Variants in PIK3R5 observed in about 807,000 individuals in gnomAD.
The protein encoded by PIK3R5 is phosphoinositide 3-kinase regulatory subunit 5.
Under a neutral mutation model 94.9 loss-of-function variants are expected in PIK3R5, and 32 were observed. That is an observed-to-expected ratio of 0.34 (90% CI 0.25 to 0.45). The LOEUF (loss-of-function observed/expected upper bound fraction) is 0.45. PIK3R5 is among the 20% of genes least tolerant of loss of function. PIK3R5 has a pLI of 1.00. For synonymous variants in PIK3R5, 443 were observed against 479.4 expected (o/e 0.92, Z 0.99); for missense variants, 853 against 1,144.6 (o/e 0.75, Z 3.68).
rs532339995 is a variant in PIK3R5 at position 8,936,932 on chromosome 17, T to G, written c.-13-25425A>C. On this transcript the variant is annotated intron_variant, in intron 1 of 18. Transcript: ENST00000447110. ...TTTATTTAGATTTCTGTAGATTTTT[T>G]TATCCATTTTATTGTTTTCTCATAT... is the stretch of plus-strand genomic sequence containing the variant. Among the ~76,000 whole-genome samples, 8 of 152,344 alleles carry G rather than the reference T, an allele frequency of 5.3e-5. No homozygotes were observed. In the South Asian group the frequency reaches 1.4e-3, roughly 28 times the overall value.
intron 4 of PIK3R5, 108 bp downstream of exon 4, chr17:8,905,561 C>G: frequency 1.4e-6 from 1 of 717,076 alleles, no homozygotes. Context: ...CGCTGCTTGA[C>G]AGTTTCTCTC....
chr17:8,913,417 T>G (rs893866656), intron 1 of PIK3R5, among the ~76,000 whole-genome samples: 2 of 152,172 alleles, frequency 1.3e-5, no homozygotes, highest in African/African-American at 4.8e-5. Context: ...AGAAAACTTT[T>G]CACGGGTGGC....
rs201527678 is a variant in PIK3R5 at position 8,890,956 on chromosome 17, C to T, written c.483-44G>A. 10,256 of 1,584,338 alleles carry T rather than the reference C, an allele frequency of 6.5e-3. 44 individuals are homozygous for T. Among genetic ancestry groups the T allele is most frequent in the Non-Finnish European group, 8.2e-3 (9,517 of 1,164,210 alleles). ...GGCTATGGCACCCAGGGGTGCGCAG[C>T]ATGCCACAGTGCAGCCACCCCCCTC... On this transcript the variant is annotated intron_variant, in intron 6 of 18. Transcript: ENST00000447110. The surrounding 1 kb of genome is among the most constrained non-coding windows in gnomAD (Gnocchi z 6.1).
intron 1 of PIK3R5, among the ~76,000 whole-genome samples, chr17:8,942,687 GCTCCGC>G (rs1567667158): frequency 6.6e-6 from 1 of 151,292 alleles, no homozygotes; most frequent in African/African-American, 2.4e-5. Context: ...CTCACTGCAA[GCTCCGC>G]CTCCCGGGTT....
chr17:8,891,476 T>A (rs2090021513), intron 6 of PIK3R5, among the ~76,000 whole-genome samples: 1 of 152,174 alleles, frequency 6.6e-6, no homozygotes, highest in Non-Finnish European at 1.5e-5. Context: ...AAAGCCATGA[T>A]ACAGGCTTTC....
rs2089863490 is a variant in PIK3R5 at position 8,886,534 on chromosome 17, T to C, written c.1977A>G (p.Leu659=). Residue 659 remains leucine (L), a synonymous_variant, in exon 13 of 19, where the codon CTA becomes CTG. Transcript: ENST00000447110. ...TGGCGGCAAAGCGGCAGTAGTAGAG[T>C]AGCATGTCAGCCAGGATGGGCAGCT... The part of the protein sequence containing the change: ...PTQLPILADM[L]LYYCRFAARP... 3 of 1,612,196 alleles carry C rather than the reference T, an allele frequency of 1.9e-6. No individual in the cohort carries two copies. Among genetic ancestry groups the C allele is most frequent in the Non-Finnish European group, 2.5e-6 (3 of 1,179,158 alleles).
chr17:8,884,790 CA>C lies in PIK3R5; in HGVS notation c.2129-8del. 1 of 1,612,292 alleles carries C rather than the reference CA, an allele frequency of 6.2e-7. No homozygotes were observed. The highest frequency in any genetic ancestry group is 8.5e-7 in the Non-Finnish European group (1 of 1,179,316). ...AGCCGCTTGCTGCCAGGACCTGTGC[CA>C]CACACAGACAGACCCTTCACTACCC... On this transcript the variant is annotated splice_polypyrimidine_tract_variant and splice_region_variant and intron_variant, in intron 14 of 18. Transcript: ENST00000447110. The surrounding 1 kb of genome is among the most constrained non-coding windows in gnomAD (Gnocchi z 5.8).
chr17:8,886,002 C>T (rs1018227299), intron 14 of PIK3R5, among the ~76,000 whole-genome samples: 3 of 150,214 alleles, frequency 2.0e-5, no homozygotes, highest in South Asian at 4.2e-4. Context: ...CCTACCTTCC[C>T]GTGGCCCCAC....
chr17:8,899,564 C>T (rs889648585), intron 5 of PIK3R5, among the ~76,000 whole-genome samples: 1 of 152,166 alleles, frequency 6.6e-6, no homozygotes, highest in Non-Finnish European at 1.5e-5. Flanking sequence ...GCTGAAGGCC[C>T]ACAGTTAGTA....
rs1276620448 is a variant in PIK3R5 at position 8,894,939 on chromosome 17, T to TA, written c.413-1285dup. 2.2e-4 allele frequency among the ~76,000 whole-genome samples: 34 copies of TA among 152,172 alleles called. 1 individual carries two copies. Among genetic ancestry groups the TA allele is most frequent in the Admixed American group, 7.9e-4 (12 of 15,282 alleles). The stretch of plus-strand genomic sequence containing the variant: ...AAATAGAAAGGCTGTGAGGTTCCTT[T>TA]AGTAAAAGGCAGAAAATTACCACAT... On this transcript the variant is annotated intron_variant, in intron 5 of 18. Coordinates refer to ENST00000447110, the MANE Select transcript of PIK3R5 (RefSeq NM_001142633.3).
In PIK3R5 at chr17:8,888,827, A is replaced by G. The variant is rs762468618; in HGVS notation, c.960T>C (p.Asp320=). The G allele has an allele frequency of 1.2e-6, 2 of 1,609,372 alleles. No individual in the cohort carries two copies. Among genetic ancestry groups the G allele is most frequent in the African/African-American group, 2.7e-5 (2 of 75,042 alleles). The change falls in exon 10 of 19, where the codon GAT becomes GAC. Residue 320 remains aspartate (D), a synonymous_variant. Coordinates refer to ENST00000447110, the MANE Select transcript of PIK3R5 (RefSeq NM_001142633.3). The surrounding 1 kb of genome is among the most constrained non-coding windows in gnomAD (Gnocchi z 7.8). ...ELLQPGILGD[D]EEEEEEEEEV... ...CCTCCTCCTCCTCTTCCTCCTCTTC[A>G]TCATCTCCCAGGATCCCTGGCTGGA...
intron 3 of PIK3R5, among the ~76,000 whole-genome samples, chr17:8,908,058 A>G (rs566769073): frequency 3.6e-4 from 55 of 152,280 alleles, no homozygotes; most frequent in Non-Finnish European, 7.1e-4. Flanking sequence ...CCTTTTGTGA[A>G]CTGCCTCTCT....
rs1485920409 is a variant in PIK3R5 at position 8,890,160 on chromosome 17, G to T, written c.658-34C>A. On this transcript the variant is annotated intron_variant, in intron 7 of 18. Transcript: ENST00000447110. The surrounding 1 kb of genome is among the most constrained non-coding windows in gnomAD (Gnocchi z 6.1). ...CCAGGAGGAGATGGGCTTTGCTCCTGGACCGTGAGCTAGCTGTCCACCTGT... is the reference window on the plus strand; with the variant it reads ...CCAGGAGGAGATGGGCTTTGCTCCTTGACCGTGAGCTAGCTGTCCACCTGT... The T allele has an allele frequency of 6.2e-7, 1 of 1,609,134 alleles. No individual in the cohort carries two copies.
intron 1 of PIK3R5, among the ~76,000 whole-genome samples, chr17:8,929,468 A>G (rs910368743): frequency 2.2e-4 from 34 of 152,368 alleles, no homozygotes; most frequent in African/African-American, 8.2e-4. Flanking sequence ...AGAGAGGGAC[A>G]TTATATAATG....
chr17:8,931,670 A>G lies in PIK3R5; in HGVS notation c.-13-20163T>C, dbSNP rs142402075. 6.2e-4 allele frequency among the ~76,000 whole-genome samples: 95 copies of G among 152,324 alleles called. 1 individual carries two copies. The highest frequency in any genetic ancestry group is 2.1e-3 in the African/African-American group (86 of 41,580). On this transcript the variant is annotated intron_variant, in intron 1 of 18. Coordinates refer to ENST00000447110, the MANE Select transcript of PIK3R5 (RefSeq NM_001142633.3). ...GGGAAACGTGAAAAAGAAGAGCTCA[A>G]GAAGACATTAGCTGAATACTAAGCT...
intron 1 of PIK3R5, among the ~76,000 whole-genome samples, chr17:8,957,142 C>T (rs1179117944): frequency 6.6e-6 from 1 of 152,188 alleles, no homozygotes; most frequent in African/African-American, 2.4e-5. Context: ...GACATGGCCA[C>T]CATGATTTAG....
intron 3 of PIK3R5, among the ~76,000 whole-genome samples, chr17:8,905,940 G>A (rs1206763022): frequency 6.6e-6 from 1 of 151,366 alleles, no homozygotes; most frequent in African/African-American, 2.4e-5. Flanking sequence ...AACCACAGCT[G>A]TTTCAATGTC....
chr17:8,943,146 C>A (rs1037058071), intron 1 of PIK3R5, among the ~76,000 whole-genome samples: 4 of 151,936 alleles, frequency 2.6e-5, no homozygotes, highest in Non-Finnish European at 5.9e-5. Flanking sequence ...ACAATCACAT[C>A]TCACTGCAAC....
At chr17:8,912,710 G>A (rs780513549) in intron 1 of PIK3R5, among the ~76,000 whole-genome samples, 1 of 152,244 alleles carries the variant, frequency 6.6e-6, no homozygotes, top group Non-Finnish European at 1.5e-5. Context: ...GCTGAGCCAT[G>A]CAGATGACAT....
Sources: allele counts gnomAD v4.1 joint callset (sites outside exome capture counted in the v4.1 genomes callset), GRCh38; gene constraint gnomAD v4.1.1; non-coding constraint Gnocchi (gnomAD v3.1); transcripts MANE v1.5; gene names NCBI Gene and HGNC (gene_info 2026-07-23, HGNC 2026-07-21).